The following KIRREL3 variants were observed in gnomAD, a reference collection of about 807,000 sequenced individuals.
The protein encoded by KIRREL3 is kirre like nephrin family adhesion molecule 3.
A neutral mutation model predicts 89.7 loss-of-function variants in KIRREL3; 36 were observed. The ratio of observed to expected loss-of-function variants is 0.40; its 90% CI spans 0.31 to 0.53. KIRREL3 has a LOEUF of 0.53. Ranked by LOEUF, KIRREL3 falls within the 20% of genes least tolerant of loss-of-function variation. The pLI, the probability that KIRREL3 is intolerant of heterozygous loss-of-function variation, is 0.49. For missense variants in KIRREL3, 864 were observed against 1,056.6 expected, an observed-to-expected ratio of 0.82 and a Z score of 2.53; for synonymous variants, 445 against 441.4, an observed-to-expected ratio of 1.01 and a Z score of -0.10.
chr11:127,000,587 C>T lies in KIRREL3; in HGVS notation c.-78G>A. The T allele has an allele frequency of 1.4e-6, 2 of 1,477,972 alleles. No individual in the cohort carries two copies. The highest frequency in any genetic ancestry group is 9.2e-7 in the Non-Finnish European group (1 of 1,084,118). The allele number at this position is 1,477,972 out of a possible 1,614,324, so 91.6% of individuals were successfully genotyped here. On this transcript the variant is annotated 5_prime_UTR_variant, in exon 1 of 17. Coordinates refer to ENST00000525144, the MANE Select transcript of KIRREL3 (RefSeq NM_032531.4). This position sits in a 1 kb window ranked among gnomAD's most constrained non-coding sequence, Gnocchi z 7.1. ...CTCTTCCTTGGCGGCTCTCGGTGCT[C>T]AGCCTCCGCCGGTCCTCTCGGGTTC... is the stretch of plus-strand genomic sequence containing the variant.
At chr11:126,727,319 T>C (rs1430722077) in intron 1 of KIRREL3, among the ~76,000 whole-genome samples, 1 of 152,208 alleles carries the variant, frequency 6.6e-6, no homozygotes, top group Non-Finnish European at 1.5e-5. Context: ...TACCTCTCCT[T>C]CCTCACCTCC....
chr11:126,793,194 G>T (rs1353463803), intron 1 of KIRREL3, among the ~76,000 whole-genome samples: 1 of 151,338 alleles, frequency 6.6e-6, no homozygotes, highest in Non-Finnish European at 1.5e-5. Flanking sequence ...GAGACAACAG[G>T]CCAGGGCATG....
At chr11:126,941,379 C>T (rs1418629360) in intron 1 of KIRREL3, among the ~76,000 whole-genome samples, 7 of 152,170 alleles carry the variant, frequency 4.6e-5, no homozygotes, top group African/African-American at 1.7e-4. Context: ...TGCAAGTCTG[C>T]TAATAATCAG....
Position 126,669,475 on chromosome 11 carries a change from C to T in KIRREL3, c.56-106563G>A, listed in dbSNP as rs1945837356. Among the ~76,000 whole-genome samples, 1 of 152,188 alleles carries T rather than the reference C, an allele frequency of 6.6e-6. No homozygotes were observed. The highest frequency in any genetic ancestry group is 2.4e-5 in the African/African-American group (1 of 41,440). Reference sequence around the variant, plus strand: ...TGTCTTTAGTTAATGCTTGTAATATCTATGTATTTAAGGGCTTAATCATGG... The same window carrying T: ...TGTCTTTAGTTAATGCTTGTAATATTTATGTATTTAAGGGCTTAATCATGG... On this transcript the variant is annotated intron_variant, in intron 1 of 16. Transcript: ENST00000525144. This position sits in a 1 kb window ranked among gnomAD's most constrained non-coding sequence, Gnocchi z 5.0.
intron 1 of KIRREL3, among the ~76,000 whole-genome samples, chr11:126,863,307 G>T (rs1436642017): frequency 6.6e-6 from 1 of 151,140 alleles, no homozygotes; most frequent in Non-Finnish European, 1.5e-5. Flanking sequence ...AGGCCAAGCT[G>T]GGGTTCCAGA....
chr11:126,604,438 A>G (rs966150123), intron 1 of KIRREL3, among the ~76,000 whole-genome samples: 3 of 152,262 alleles, frequency 2.0e-5, no homozygotes, highest in Non-Finnish European at 4.4e-5. Context: ...CCAGGCTTGT[A>G]CAAGATAATG....
intron 1 of KIRREL3, among the ~76,000 whole-genome samples, chr11:126,591,378 G>C (rs1177159825): frequency 1.3e-5 from 2 of 152,214 alleles, no homozygotes; most frequent in African/African-American, 4.8e-5. Context: ...ACATCCCTTA[G>C]GGTGAAATCC....
At chr11:126,882,124 A>T (rs1945528128) in intron 1 of KIRREL3, among the ~76,000 whole-genome samples, 1 of 152,076 alleles carries the variant, frequency 6.6e-6, no homozygotes, top group Non-Finnish European at 1.5e-5. Context: ...AGTCCTGGAA[A>T]CTTTGTTCAC....
chr11:126,802,789 T>G lies in KIRREL3; in HGVS notation c.55+197666A>C, dbSNP rs1951081243. Among the ~76,000 whole-genome samples, 1 of 152,208 alleles carries G rather than the reference T, an allele frequency of 6.6e-6. No homozygotes were observed. Among genetic ancestry groups the G allele is most frequent in the Admixed American group, 6.5e-5 (1 of 15,284 alleles). On this transcript the variant is annotated intron_variant, in intron 1 of 16. Coordinates refer to ENST00000525144, the MANE Select transcript of KIRREL3 (RefSeq NM_032531.4). The surrounding 1 kb of genome is among the most constrained non-coding windows in gnomAD (Gnocchi z 5.2). ...TTCAAAATGCTTAACATTACGAGTA[T>G]TTTGGTCTTTGTTTAGTTCAGTGAT... is the stretch of plus-strand genomic sequence containing the variant.
chr11:126,435,616 G>A (rs1955296314), intron 12 of KIRREL3, among the ~76,000 whole-genome samples: 1 of 152,182 alleles, frequency 6.6e-6, no homozygotes, highest in Admixed American at 6.5e-5. Context: ...TAGGCAACAG[G>A]GGACCAGGAA....
At chr11:126,746,060 A>C (rs952909292) in intron 1 of KIRREL3, among the ~76,000 whole-genome samples, 1 of 151,940 alleles carries the variant, frequency 6.6e-6, no homozygotes, top group Non-Finnish European at 1.5e-5. Context: ...CTGCCACTCC[A>C]TCTGCTTTTT....
chr11:126,424,420 C>T lies in KIRREL3; in HGVS notation c.*160G>A, dbSNP rs1954847441. The T allele has an allele frequency of 9.1e-6, 4 of 440,610 alleles. No homozygotes were observed. Among genetic ancestry groups the T allele is most frequent in the Admixed American group, 6.5e-5 (2 of 30,790 alleles). 27.3% of individuals were successfully genotyped at this position (440,610 alleles called of 1,614,324 possible). A position where few individuals can be genotyped will look rare whatever the true frequency, so the allele number is the denominator to read the frequency against. On this transcript the variant is annotated 3_prime_UTR_variant, in exon 17 of 17. Coordinates refer to ENST00000525144, the MANE Select transcript of KIRREL3 (RefSeq NM_032531.4). The stretch of plus-strand genomic sequence containing the variant: ...CAGCACCTGGGGACCCAGATTTGTG[C>T]TTGATCAGAGCTTCGAAGGAAGGCA...
chr11:126,444,509 C>A (rs1955711929), intron 10 of KIRREL3, among the ~76,000 whole-genome samples: 1 of 152,210 alleles, frequency 6.6e-6, no homozygotes. Flanking sequence ...CCTGTAGTCC[C>A]AGCTACTCAG....
In KIRREL3 at chr11:126,740,898, TC is replaced by T. The variant is rs1389526774; in HGVS notation, c.56-177987del. On this transcript the variant is annotated intron_variant, in intron 1 of 16. Coordinates refer to ENST00000525144, the MANE Select transcript of KIRREL3 (RefSeq NM_032531.4). This position sits in a 1 kb window ranked among gnomAD's most constrained non-coding sequence, Gnocchi z 6.0. ...GAAGATATCCATTGTTCCATGAGAG[TC>T]CCCCATGGTAGAGTGAGTGACAAGG... 2.6e-5 allele frequency among the ~76,000 whole-genome samples: 4 copies of T among 151,860 alleles called. No homozygotes were observed. The highest frequency in any genetic ancestry group is 4.4e-5 in the Non-Finnish European group (3 of 67,998).
intron 1 of KIRREL3, among the ~76,000 whole-genome samples, chr11:126,821,877 A>C (rs964573046): frequency 6.6e-6 from 1 of 152,178 alleles, no homozygotes; most frequent in African/African-American, 2.4e-5. Flanking sequence ...GGAAGGTGGA[A>C]AAGGCATGGA....
chr11:126,901,725 A>G (rs775887043), intron 1 of KIRREL3, among the ~76,000 whole-genome samples: 3 of 152,196 alleles, frequency 2.0e-5, no homozygotes, highest in Non-Finnish European at 2.9e-5. Context: ...ATTCCCATTC[A>G]TCTCCCCTAC....
At position 126,525,946 on chromosome 11, in the gene KIRREL3, C is replaced by A. The variant is rs1373455327; in HGVS notation, c.283+592G>T. On this transcript the variant is annotated intron_variant, in intron 3 of 16. Coordinates refer to ENST00000525144, the MANE Select transcript of KIRREL3 (RefSeq NM_032531.4). The surrounding 1 kb of genome is among the most constrained non-coding windows in gnomAD (Gnocchi z 5.4). The stretch of plus-strand genomic sequence containing the variant: ...AGTTCACGTGTCAGCCATCAACAAC[C>A]ATGGGAACTCTCACTGCCTGTCCCA... 6.6e-6 allele frequency among the ~76,000 whole-genome samples: 1 copy of A among 152,216 alleles called. No homozygotes were observed. Among genetic ancestry groups the A allele is most frequent in the African/African-American group, 2.4e-5 (1 of 41,444 alleles).
At chr11:126,741,802 T>C (rs1337939219) in intron 1 of KIRREL3, among the ~76,000 whole-genome samples, 1 of 152,338 alleles carries the variant, frequency 6.6e-6, no homozygotes, top group Non-Finnish European at 1.5e-5. Context: ...GCAATTCTAA[T>C]GCAGCTAACA....
rs1946645903 is a variant in KIRREL3 at position 126,685,881 on chromosome 11, C to T, written c.56-122969G>A. On this transcript the variant is annotated intron_variant, in intron 1 of 16. Coordinates refer to ENST00000525144, the MANE Select transcript of KIRREL3 (RefSeq NM_032531.4). The surrounding 1 kb of genome is among the most constrained non-coding windows in gnomAD (Gnocchi z 5.5). ...CGGGGCCACTGGAGACTTTTTCCCTCATGCTGGGCTCTTCACGTGGCATCC... is the reference window on the plus strand; with the variant it reads ...CGGGGCCACTGGAGACTTTTTCCCTTATGCTGGGCTCTTCACGTGGCATCC... Among the ~76,000 whole-genome samples, 1 of 152,240 alleles carries T rather than the reference C, an allele frequency of 6.6e-6. No individual in the cohort carries two copies. Among genetic ancestry groups the T allele is most frequent in the South Asian group, 2.1e-4 (1 of 4,834 alleles).
Sources: allele counts gnomAD v4.1 joint callset (sites outside exome capture counted in the v4.1 genomes callset), GRCh38; gene constraint gnomAD v4.1.1; non-coding constraint Gnocchi (gnomAD v3.1); transcripts MANE v1.5; gene names NCBI Gene and HGNC (gene_info 2026-07-23, HGNC 2026-07-21).